The following TTBK2 variants were observed in gnomAD, a reference collection of about 807,000 sequenced individuals.
TTBK2 encodes the protein tau tubulin kinase 2.
Under a neutral mutation model 110.8 loss-of-function variants are expected in TTBK2, and 28 were observed. That is an observed-to-expected ratio of 0.25 (90% CI 0.19 to 0.35). TTBK2 has a LOEUF of 0.35. Among genes scored for constraint, TTBK2 ranks in the 10% least tolerant of loss-of-function variants. TTBK2 has a pLI of 1.00. For missense variants in TTBK2, 1,369 were observed against 1,500.3 expected, an observed-to-expected ratio of 0.91 and a Z score of 1.45; for synonymous variants, 532 against 527.3, an observed-to-expected ratio of 1.01 and a Z score of -0.12.
chr15:42,918,891 C>T (rs1359771597), intron 1 of TTBK2, among the ~76,000 whole-genome samples: 1 of 152,072 alleles, frequency 6.6e-6, no homozygotes, highest in Non-Finnish European at 1.5e-5. Flanking sequence ...AGATAATGAG[C>T]AAGATATATT....
chr15:42,894,414 C>G (rs563431877), intron 1 of TTBK2, among the ~76,000 whole-genome samples: 1 of 152,080 alleles, frequency 6.6e-6, no homozygotes, highest in East Asian at 1.9e-4. Flanking sequence ...GAGGAAAAAA[C>G]ACTTCCCATC....
chr15:42,901,094 C>T, intron 1 of TTBK2, among the ~76,000 whole-genome samples: 1 of 152,172 alleles, frequency 6.6e-6, no homozygotes, highest in South Asian at 2.1e-4. Context: ...GGCACAGTGG[C>T]TCACACCTGT....
At position 42,886,523 on chromosome 15, in the gene TTBK2, C is replaced by T. The variant is rs200174308; in HGVS notation, c.-67-7839G>A. On this transcript the variant is annotated intron_variant, in intron 1 of 14. Coordinates refer to ENST00000267890, the MANE Select transcript of TTBK2 (RefSeq NM_173500.4). ...GACGCTTTACCGCCCTAGACCCAGG[C>T]GGGCCAGAGGCTGCCTTATTCTTAA... Among the ~76,000 whole-genome samples the T allele has an allele frequency of 1.1e-4, 16 of 151,940 alleles. No homozygotes were observed. In the East Asian group the frequency reaches 1.7e-3, roughly 17 times the overall value.
intron 1 of TTBK2, among the ~76,000 whole-genome samples, chr15:42,912,077 C>T (rs1295625240): frequency 6.6e-6 from 1 of 152,120 alleles, no homozygotes; most frequent in East Asian, 1.9e-4. Flanking sequence ...GCCCATGGGC[C>T]GCTGGTTGCA....
chr15:42,809,278 G>A (rs1320266214), intron 9 of TTBK2, among the ~76,000 whole-genome samples: 3 of 152,174 alleles, frequency 2.0e-5, no homozygotes, highest in African/African-American at 7.2e-5. Context: ...ACTTTGTTTT[G>A]TTATTAAGTG....
chr15:42,871,462 G>A (rs763945984), intron 3 of TTBK2: 1 of 985,272 alleles, frequency 1.0e-6, no homozygotes, highest in Non-Finnish European at 1.2e-6. Context: ...CATCTCCTTG[G>A]AGCCAAGTAG....
chr15:42,775,708 C>A lies in TTBK2; in HGVS notation c.1425G>T (p.Gln475His). Residue 475 changes from glutamine (Q) to histidine (H), a missense_variant, in exon 13 of 15, where the codon CAG becomes CAT. Coordinates refer to ENST00000267890, the MANE Select transcript of TTBK2 (RefSeq NM_173500.4). ...ATTCTTTTCCTGCACTGGTATCTTT[C>A]TGCATTTTCTCCAGGCTTAAGGAAA... The part of the protein sequence containing the change: ...KFLETCLEKM[Q>H]KDTSAGKESI... The A allele has an allele frequency of 6.2e-7, 1 of 1,611,850 alleles. No individual in the cohort carries two copies. The highest frequency in any genetic ancestry group is 8.5e-7 in the Non-Finnish European group (1 of 1,179,842).
rs562071184 is a variant in TTBK2 at position 42,804,354 on chromosome 15, T to A, written c.822+6260A>T. Among the ~76,000 whole-genome samples the A allele has an allele frequency of 3.3e-5, 5 of 151,978 alleles. No individual in the cohort carries two copies. In the South Asian group the frequency reaches 6.2e-4, roughly 19 times the overall value. On this transcript the variant is annotated intron_variant, in intron 9 of 14. Coordinates refer to ENST00000267890, the MANE Select transcript of TTBK2 (RefSeq NM_173500.4). ...AGCTACTTGGGAGGCTGAGGCAGAA[T>A]TGCTTGAACCCAGGAGGTAGAGGTT...
intron 1 of TTBK2, among the ~76,000 whole-genome samples, chr15:42,886,941 C>T (rs1393782633): frequency 2.0e-5 from 3 of 152,216 alleles, no homozygotes; most frequent in Non-Finnish European, 4.4e-5. Flanking sequence ...CTTCCCAGAT[C>T]TTCTTGGCTT....
At chr15:42,919,337 A>G (rs2031249515) in intron 1 of TTBK2, among the ~76,000 whole-genome samples, 1 of 152,212 alleles carries the variant, frequency 6.6e-6, no homozygotes, top group Admixed American at 6.5e-5. Flanking sequence ...TCCCTTGATA[A>G]GTTAAAATCA....
intron 5 of TTBK2, among the ~76,000 whole-genome samples, chr15:42,828,659 A>T (rs1383555476): frequency 6.7e-6 from 1 of 150,038 alleles, no homozygotes; most frequent in Non-Finnish European, 1.5e-5. Flanking sequence ...GGAGGCGGAG[A>T]TTACAGTGAG....
At chr15:42,763,143 C>CATATATAT (rs1225785018) in intron 13 of TTBK2, among the ~76,000 whole-genome samples, 2 of 51,166 alleles carry the variant, frequency 3.9e-5, no homozygotes, top group African/African-American at 1.1e-4. Context: ...TATATACATA[C>CATATATAT]ATATATATAT....
intron 1 of TTBK2, among the ~76,000 whole-genome samples, chr15:42,895,243 T>A (rs1027042821): frequency 6.6e-6 from 1 of 152,164 alleles, no homozygotes; most frequent in African/African-American, 2.4e-5. Context: ...ACACACTACA[T>A]GATTTTAAGT....
rs368676111 is a variant in TTBK2, at chr15:42,840,253, T to G, written c.291+107A>C. The stretch of plus-strand genomic sequence containing the variant: ...AGTTCCATCTGCATAGTATAAAACA[T>G]TCTCACATGGTACTAAGATTGTTGT... On this transcript the variant is annotated intron_variant, in intron 4 of 14. Transcript: ENST00000267890. The G allele has an allele frequency of 1.6e-4, 159 of 1,007,046 alleles. No homozygotes were observed. The African/African-American group carries it at 2.1e-3, about 14-fold the overall frequency. 62.4% of individuals were successfully genotyped at this position (1,007,046 alleles called of 1,614,324 possible).
rs980481978 is a variant in TTBK2, at chr15:42,874,252, A to C, written c.70-1494T>G. Among the ~76,000 whole-genome samples the C allele has an allele frequency of 2.6e-5, 4 of 152,168 alleles. No individual in the cohort carries two copies. In the South Asian group the frequency reaches 6.2e-4, roughly 24 times the overall value. On this transcript the variant is annotated intron_variant, in intron 2 of 14. Transcript: ENST00000267890. ...CATTTGGCAAAGTGCTAACTTATAA[A>C]TATAATCCTATATTTATTACTTTGC...
At chr15:42,844,390 C>T (rs1893363248) in intron 3 of TTBK2, among the ~76,000 whole-genome samples, 1 of 152,084 alleles carries the variant, frequency 6.6e-6, no homozygotes, top group African/African-American at 2.4e-5. Context: ...AAGGCCCCAA[C>T]TCTACAAAAA....
In TTBK2 at chr15:42,777,138, G is replaced by A. The variant is rs1889961470; in HGVS notation, c.1302C>T (p.Asp434=). Residue 434 remains aspartate (D), a synonymous_variant, in exon 12 of 15, where the codon GAC becomes GAT. Transcript: ENST00000267890. ...IRVRSEITQP[D]RDIPLVRKLR... Reference sequence around the variant, plus strand: ...ACTTTCGCACCAGTGGAATATCTCTGTCTGGCTGAGTAATCTCTGAGCGGA... The same window carrying A: ...ACTTTCGCACCAGTGGAATATCTCTATCTGGCTGAGTAATCTCTGAGCGGA... The A allele has an allele frequency of 1.9e-6, 3 of 1,614,192 alleles. No homozygotes were observed. The highest frequency in any genetic ancestry group is 2.2e-5 in the South Asian group (2 of 91,082).
Position 42,810,543 on chromosome 15 carries a change from A to C in TTBK2, c.822+71T>G. 4 of 1,593,040 alleles carry C rather than the reference A, an allele frequency of 2.5e-6. No individual in the cohort carries two copies. The South Asian group carries it at 4.4e-5, about 18-fold the overall frequency. ...CCCCTACTCATTTATAACACCTTCA[A>C]AGCTACAATGAGTGAAAGCATAGAC... On this transcript the variant is annotated intron_variant, in intron 9 of 14. Coordinates refer to ENST00000267890, the MANE Select transcript of TTBK2 (RefSeq NM_173500.4).
chr15:42,786,012 C>A (rs542209951), intron 10 of TTBK2, among the ~76,000 whole-genome samples: 1 of 151,922 alleles, frequency 6.6e-6, no homozygotes, highest in Non-Finnish European at 1.5e-5. Flanking sequence ...ACTTGGTAAC[C>A]GATGACCTTC....
Sources: gnomAD v4.1 joint callset for allele counts (sites outside exome capture counted in the v4.1 genomes callset) on GRCh38, gnomAD v4.1.1 for gene constraint, MANE v1.5 for transcripts, NCBI Gene and HGNC (gene_info 2026-07-23, HGNC 2026-07-21) for gene names.